MPO: variants seen among roughly 807,000 people sequenced by gnomAD.
MPO encodes myeloperoxidase.
A neutral mutation model predicts 69.4 loss-of-function variants in MPO; 57 were observed. That is an observed-to-expected ratio of 0.82 (90% CI 0.66 to 1.02). The LOEUF is 1.02. Ranked by LOEUF, MPO falls within the 50% of genes least tolerant of loss-of-function variation. MPO has a pLI of 0.00. For synonymous variants in MPO, 426 were observed against 417.1 expected (o/e 1.02, Z -0.26); for missense variants, 971 against 1,014.1 (o/e 0.96, Z 0.58).
rs902386889 is a variant in MPO at position 58,277,989 on chromosome 17, G to A, written c.1042C>T (p.Pro348Ser). ...DASMVYGSEE[P>S]LARNLRNMSN... Reference sequence around the variant, plus strand: ...ATGTTGCGCAGGTTCCTGGCCAGGGGCTCCTCGCTGCCGTACACCATGCTG... The same window carrying A: ...ATGTTGCGCAGGTTCCTGGCCAGGGACTCCTCGCTGCCGTACACCATGCTG... Residue 348 changes from proline (P) to serine (S), a missense_variant, in exon 7 of 12, where the codon CCC (proline) becomes TCC (serine). Physicochemically the swap from Pro to Ser is moderately conservative, Grantham distance 74. Coordinates refer to ENST00000225275, the MANE Select transcript of MPO (RefSeq NM_000250.2). The A allele has an allele frequency of 1.2e-6, 2 of 1,613,896 alleles. No homozygotes were observed. Among genetic ancestry groups the A allele is most frequent in the East Asian group, 2.2e-5 (1 of 44,894 alleles).
At chr17:58,271,927 GTC>G in intron 10 of MPO, 35 bp from the exon 11 acceptor site, 1 of 1,605,520 alleles carries the variant, frequency 6.2e-7, no homozygotes, top group Non-Finnish European at 8.5e-7. Context: ...CTATGGGCAG[GTC>G]TCTCTGCTTC....
Position 58,272,904 on chromosome 17 carries a change from T to G in MPO, c.1636A>C (p.Ile546Leu). 6.2e-7 allele frequency: 1 copy of G among 1,614,060 alleles called. No individual in the cohort carries two copies. Among genetic ancestry groups the G allele is most frequent in the Non-Finnish European group, 8.5e-7 (1 of 1,180,006 alleles). Residue 546 changes from isoleucine to leucine, a missense_variant, in exon 10 of 12, where the codon ATC becomes CTC. Physicochemically the swap from Ile to Leu is conservative, Grantham distance 5 (BLOSUM62 2). Transcript: ENST00000225275. ...GGGGTGGCCATGAGGCCCCGGAGGA[T>G]GGGGTCAATGCCACCTGGGGACCAG... is the stretch of plus-strand genomic sequence containing the variant. ...RVVLEGGIDP[I>L]LRGLMATPAK...
Position 58,271,833 on chromosome 17 carries a change from C to T in MPO, c.1852G>A (p.Gly618Ser). The change falls in exon 11 of 12, where the codon GGC becomes AGC. Residue 618 changes from glycine (G) to serine (S), a missense_variant. Gly to Ser is a moderately conservative substitution (Grantham distance 56). Transcript: ENST00000225275. ...AATTTCAGGTTCCTCAGCACCGTGC[C>T]CAGCTGGCCCACAGTTTCAGGCTGC... Reference protein sequence around the residue: ...LPQPETVGQLGTVLRNLKLAR... With the variant: ...LPQPETVGQLSTVLRNLKLAR... The T allele has an allele frequency of 6.2e-7, 1 of 1,614,200 alleles. No homozygotes were observed. Among genetic ancestry groups the T allele is most frequent in the South Asian group, 1.1e-5 (1 of 91,088 alleles).
In MPO at chr17:58,279,131, T is replaced by C; in HGVS notation, c.762A>G (p.Gln254=). ...PDQERSLMFM[Q]WGQLLDHDLD... ...GGTCGTGGTCCAACAGCTGGCCCCA[T>C]TGCATGAACATGAGTGAGCGCTCCT... Residue 254 remains glutamine (Q), a synonymous_variant, in exon 6 of 12, where the codon CAA becomes CAG. Transcript: ENST00000225275. The C allele has an allele frequency of 3.7e-6, 6 of 1,612,948 alleles. No homozygotes were observed. The highest frequency in any genetic ancestry group is 5.1e-6 in the Non-Finnish European group (6 of 1,179,578).
At chr17:58,280,160 G>C (rs2143982971) in intron 2 of MPO, 146 bp from the exon 3 acceptor site, 2 of 1,134,658 alleles carry the variant, frequency 1.8e-6, no homozygotes, top group Admixed American at 2.0e-5. Context: ...ATATGGACCT[G>C]GGTGTCCAGA....
In MPO at chr17:58,277,980, T is replaced by C. The variant is rs779216576; in HGVS notation, c.1051A>G (p.Arg351Gly). The C allele has an allele frequency of 3.7e-6, 6 of 1,613,890 alleles. No homozygotes were observed. Among genetic ancestry groups the C allele is most frequent in the East Asian group, 4.5e-5 (2 of 44,892 alleles). ...MVYGSEEPLA[R>G]NLRNMSNQLG... The stretch of plus-strand genomic sequence containing the variant: ...TGGTTGGACATGTTGCGCAGGTTCC[T>C]GGCCAGGGGCTCCTCGCTGCCGTAC... Residue 351 changes from arginine (R) to glycine (G), a missense_variant, in exon 7 of 12, where the codon AGG (arginine) becomes GGG (glycine). By Grantham distance (125) the Arg-to-Gly change is moderately radical. Transcript: ENST00000225275.
intron 7 of MPO, among the ~76,000 whole-genome samples, chr17:58,276,644 C>CAG (rs1970442007): frequency 6.6e-6 from 1 of 152,204 alleles, no homozygotes; most frequent in Admixed American, 6.5e-5. Context: ...CTAAGGAGGG[C>CAG]TGCCCTTGCC....
At chr17:58,278,259 C>G in intron 6 of MPO, 114 bp from the exon 7 acceptor site, 1 of 1,232,732 alleles carries the variant, frequency 8.1e-7, no homozygotes, top group Non-Finnish European at 1.1e-6. Flanking sequence ...GCAGAGAGGC[C>G]TCCGGAGGCC....
At position 58,275,743 on chromosome 17, in the gene MPO, T is replaced by C; in HGVS notation, c.1205-41A>G. The C allele has an allele frequency of 6.2e-7, 1 of 1,612,240 alleles. No homozygotes were observed. Among genetic ancestry groups the C allele is most frequent in the Non-Finnish European group, 8.5e-7 (1 of 1,179,084 alleles). On this transcript the variant is annotated intron_variant, in intron 7 of 11. Coordinates refer to ENST00000225275, the MANE Select transcript of MPO (RefSeq NM_000250.2). This position sits in a 1 kb window ranked among gnomAD's most constrained non-coding sequence, Gnocchi z 4.1. ...GCCACTGTCATTCTTAAGGCCTCCA[T>C]CCCAGAAAAGATTTGCTCCACTGAA...
Position 58,275,745 on chromosome 17 carries a change from C to T in MPO, c.1205-43G>A. The T allele has an allele frequency of 6.2e-7, 1 of 1,611,908 alleles. No individual in the cohort carries two copies. Among genetic ancestry groups the T allele is most frequent in the Non-Finnish European group, 8.5e-7 (1 of 1,178,918 alleles). ...CACTGTCATTCTTAAGGCCTCCATC[C>T]CAGAAAAGATTTGCTCCACTGAAAC... is the stretch of plus-strand genomic sequence containing the variant. On this transcript the variant is annotated intron_variant, in intron 7 of 11. Coordinates refer to ENST00000225275, the MANE Select transcript of MPO (RefSeq NM_000250.2). This position sits in a 1 kb window ranked among gnomAD's most constrained non-coding sequence, Gnocchi z 4.1.
chr17:58,278,264 G>A (rs1466720703), intron 6 of MPO, 119 bp from the exon 7 acceptor site: 16 of 1,208,634 alleles, frequency 1.3e-5, no homozygotes, highest in Non-Finnish European at 1.6e-5. Context: ...GAGGCCTCCG[G>A]AGGCCCGAAA....
rs1970422219 is a variant in MPO at position 58,275,248 on chromosome 17, T to G, written c.1365+294A>C. On this transcript the variant is annotated intron_variant, in intron 8 of 11. Coordinates refer to ENST00000225275, the MANE Select transcript of MPO (RefSeq NM_000250.2). The surrounding 1 kb of genome is among the most constrained non-coding windows in gnomAD (Gnocchi z 4.1). ...TGAGATGGAGGGAAGAAGAATTTAC[T>G]GAACAGCTACTTGGGCGCTAAACCA... Among the ~76,000 whole-genome samples, 1 of 152,162 alleles carries G rather than the reference T, an allele frequency of 6.6e-6. No individual in the cohort carries two copies. The highest frequency in any genetic ancestry group is 1.5e-5 in the Non-Finnish European group (1 of 68,028).
rs761415772 is a variant in MPO, at chr17:58,279,525, G to A, written c.546C>T (p.Asn182=). 1.4e-5 allele frequency: 23 copies of A among 1,614,056 alleles called. No individual in the cohort carries two copies. The highest frequency in any genetic ancestry group is 3.3e-4 in the Middle Eastern group (2 of 6,062). Residue 182 remains asparagine (N), a splice_region_variant and synonymous_variant, in exon 4 of 12, where the codon AAC becomes AAT. Transcript: ENST00000225275. The part of the protein sequence containing the change: ...KYRTITGMCN[N]RRSPTLGASN... ...CAGCCACCCCCAGCCAGCCGCACCTGTTGTTGCACATCCCGGTGATGGTGC... is the reference window on the plus strand; with the variant it reads ...CAGCCACCCCCAGCCAGCCGCACCTATTGTTGCACATCCCGGTGATGGTGC...
intron 7 of MPO, 21 bp downstream of exon 7, chr17:58,277,806 G>C: frequency 6.3e-7 from 1 of 1,599,550 alleles, no homozygotes; most frequent in Non-Finnish European, 8.5e-7. Context: ...TGCCACCTCT[G>C]GTCCCCACCC....
intron 10 of MPO, 45 bp from the exon 11 acceptor site, chr17:58,271,937 T>G: frequency 6.3e-7 from 1 of 1,596,484 alleles, no homozygotes; most frequent in South Asian, 1.1e-5. Flanking sequence ...GTCTCTCTGC[T>G]TCAAGGTGGG....
Position 58,279,051 on chromosome 17 carries a change from C to T in MPO, c.842G>A (p.Cys281Tyr), listed in dbSNP as rs1970476106. 6.2e-7 allele frequency: 1 copy of T among 1,612,698 alleles called. No individual in the cohort carries two copies. Among genetic ancestry groups the T allele is most frequent in the Non-Finnish European group, 8.5e-7 (1 of 1,179,640 alleles). ...CGGCTGCTGAACGCAGCTGGTCTCG[C>T]AGTTGACGCCAGTGACGAAGGAGGC... ...ARASFVTGVN[C>Y]ETSCVQQPPC... The change falls in exon 6 of 12, where the codon TGC (cysteine) becomes TAC (tyrosine). Residue 281 changes from cysteine (C) to tyrosine (Y), a missense_variant. Physicochemically the swap from Cys to Tyr is radical, Grantham distance 194 (BLOSUM62 -2). Transcript: ENST00000225275.
intron 8 of MPO, 152 bp from the exon 9 acceptor site, chr17:58,273,821 G>C: frequency 9.3e-7 from 1 of 1,073,650 alleles, no homozygotes; most frequent in South Asian, 1.4e-5. Context: ...CCACAATACC[G>C]GACCTGGGCC....
intron 11 of MPO, 65 bp downstream of exon 11, chr17:58,271,590 G>T: frequency 6.6e-7 from 1 of 1,512,628 alleles, no homozygotes; most frequent in Non-Finnish European, 9.2e-7. Flanking sequence ...GGAAATTTGG[G>T]CTCCAAGAGA....
Position 58,279,207 on chromosome 17 carries a change from G to A in MPO, c.686C>T (p.Ala229Val), listed in dbSNP as rs1476706511. ...GAAGCGCACGATCTCGTTGGAGACC[G>A]CGCGAGCCTGCGGGACACGGAGATC... ...RNGFPVALARAVSNEIVRFPT... is the reference protein window; with the variant it reads ...RNGFPVALARVVSNEIVRFPT... The change falls in exon 6 of 12, where the codon GCG becomes GTG. Residue 229 changes from alanine to valine, a missense_variant. Physicochemically the swap from Ala to Val is moderately conservative, Grantham distance 64. Coordinates refer to ENST00000225275, the MANE Select transcript of MPO (RefSeq NM_000250.2). 1.2e-6 allele frequency: 2 copies of A among 1,600,106 alleles called. No homozygotes were observed. The highest frequency in any genetic ancestry group is 1.1e-5 in the South Asian group (1 of 89,154).
Sources: gnomAD v4.1 joint callset for allele counts (sites outside exome capture counted in the v4.1 genomes callset) on GRCh38, gnomAD v4.1.1 for gene constraint, Gnocchi (gnomAD v3.1) non-coding constraint, MANE v1.5 for transcripts, NCBI Gene and HGNC (gene_info 2026-07-23, HGNC 2026-07-21) for gene names.